Variants in HEMK2 observed in about 807,000 individuals in gnomAD.
The protein encoded by HEMK2 is methyltransferase HEMK2.
At chr21:28,729,179 T>C in the HEMK2 span, among the ~76,000 whole-genome samples, 2 of 152,206 alleles carry the variant, frequency 1.3e-5, no homozygotes, top group African/African-American at 2.4e-5. Context: ...CATGGGCAGG[T>C]GCGAAAGCCT....
At chr21:28,688,703 T>A in the HEMK2 span, among the ~76,000 whole-genome samples, 3 of 152,130 alleles carry the variant, frequency 2.0e-5, no homozygotes, top group East Asian at 5.8e-4. Context: ...TGCGTAAAAA[T>A]TTATTCTAAG....
the HEMK2 span, among the ~76,000 whole-genome samples, chr21:28,676,056 A>G: frequency 6.6e-6 from 1 of 152,188 alleles, no homozygotes; most frequent in Non-Finnish European, 1.5e-5. Context: ...TCAGAGCCAA[A>G]GCTCAGCAGC....
At chr21:28,681,611 G>A in the HEMK2 span, among the ~76,000 whole-genome samples, 2 of 152,132 alleles carry the variant, frequency 1.3e-5, no homozygotes, top group African/African-American at 4.8e-5. Context: ...TAAGCCAAAA[G>A]AACAAAGCTG....
At chr21:28,881,283 T>C in the HEMK2 span, among the ~76,000 whole-genome samples, 1 of 152,146 alleles carries the variant, frequency 6.6e-6, no homozygotes, top group Non-Finnish European at 1.5e-5. Flanking sequence ...CTGAGTAGGG[T>C]TTATCCCAAT....
the HEMK2 span, among the ~76,000 whole-genome samples, chr21:28,640,983 C>A: frequency 2.6e-5 from 4 of 152,186 alleles, no homozygotes; most frequent in African/African-American, 9.6e-5. Flanking sequence ...CCCTACCGCG[C>A]ATATTGGGCT....
the HEMK2 span, among the ~76,000 whole-genome samples, chr21:28,703,724 C>T: frequency 6.6e-6 from 1 of 152,130 alleles, no homozygotes; most frequent in African/African-American, 2.4e-5. Flanking sequence ...GTTCCACATC[C>T]CTTACATTTT....
chr21:28,743,922 C>G, the HEMK2 span, among the ~76,000 whole-genome samples: 43 of 152,284 alleles, frequency 2.8e-4, no homozygotes, highest in African/African-American at 9.4e-4. Flanking sequence ...TGAAAAAGAA[C>G]AAGATTGCAT....
At chr21:28,734,416 T>A in the HEMK2 span, among the ~76,000 whole-genome samples, 7 of 152,234 alleles carry the variant, frequency 4.6e-5, no homozygotes, top group African/African-American at 1.7e-4. Flanking sequence ...ACAATTTTTT[T>A]AATATTTTAT....
the HEMK2 span, among the ~76,000 whole-genome samples, chr21:28,861,605 G>A: frequency 6.6e-6 from 1 of 152,148 alleles, no homozygotes; most frequent in South Asian, 2.1e-4. Context: ...TCATGGTCAT[G>A]GAAATCACTG....
At chr21:28,720,807 C>A in the HEMK2 span, among the ~76,000 whole-genome samples, 5 of 152,016 alleles carry the variant, frequency 3.3e-5, no homozygotes, top group Non-Finnish European at 7.4e-5. Flanking sequence ...AAGTGTCATG[C>A]GAAATAGGAG....
At chr21:28,657,369 C>A in the HEMK2 span, among the ~76,000 whole-genome samples, 8 of 152,184 alleles carry the variant, frequency 5.3e-5, no homozygotes, top group East Asian at 1.4e-3. Flanking sequence ...TCCAAAAGGA[C>A]AGCAGTCCTA....
At chr21:28,771,438 A>G in the HEMK2 span, among the ~76,000 whole-genome samples, 3 of 151,038 alleles carry the variant, frequency 2.0e-5, no homozygotes, top group African/African-American at 7.3e-5. Context: ...TTTGGTTGTC[A>G]CAACTGGGGA....
At chr21:28,786,313 T>G in the HEMK2 span, among the ~76,000 whole-genome samples, 1 of 151,984 alleles carries the variant, frequency 6.6e-6, no homozygotes, top group Non-Finnish European at 1.5e-5. Context: ...GTCTAAAACA[T>G]TATTCACCCA....
the HEMK2 span, among the ~76,000 whole-genome samples, chr21:28,698,676 A>G: frequency 6.6e-6 from 1 of 152,192 alleles, no homozygotes; most frequent in African/African-American, 2.4e-5. Context: ...GCTAAGAAAA[A>G]CTAATTTTTT....
At chr21:28,838,972 A>AAAAAATATATATATATATAT in the HEMK2 span, among the ~76,000 whole-genome samples, 1 of 29,148 alleles carries the variant, frequency 3.4e-5, no homozygotes, top group Non-Finnish European at 5.6e-5. Flanking sequence ...AAAAAAAAAA[A>AAAAAATATATATATATATAT]ATATATATAT....
the HEMK2 span, among the ~76,000 whole-genome samples, chr21:28,827,228 G>A: frequency 1.3e-5 from 2 of 151,972 alleles, no homozygotes; most frequent in African/African-American, 4.8e-5. Flanking sequence ...GTACCTCTAA[G>A]ACGTTTTATA....
At chr21:28,867,381 A>C in the HEMK2 span, among the ~76,000 whole-genome samples, 1 of 152,126 alleles carries the variant, frequency 6.6e-6, no homozygotes, top group Non-Finnish European at 1.5e-5. Flanking sequence ...TCTTTTTATA[A>C]TCTATAAAAA....
the HEMK2 span, among the ~76,000 whole-genome samples, chr21:28,859,609 T>C: frequency 2.6e-5 from 4 of 152,224 alleles, no homozygotes; most frequent in African/African-American, 9.6e-5. Context: ...TTTTGTCTGA[T>C]ATTTTCATCT....
chr21:28,865,587 C>T, the HEMK2 span, among the ~76,000 whole-genome samples: 1 of 152,232 alleles, frequency 6.6e-6, no homozygotes, highest in Non-Finnish European at 1.5e-5. Context: ...GTTTCCTGCT[C>T]TATCCTAGAC....
Sources: allele counts gnomAD v4.1 joint callset (sites outside exome capture counted in the v4.1 genomes callset), GRCh38; gene constraint gnomAD v4.1.1; transcripts MANE v1.5; gene names NCBI Gene and HGNC (gene_info 2026-07-23, HGNC 2026-07-21).